The following FOXP2 variants were observed in gnomAD, a reference collection of about 807,000 sequenced individuals.
FOXP2 encodes forkhead box P2.
A neutral mutation model predicts 115.8 loss-of-function variants in FOXP2; 12 were observed. The observed-to-expected ratio is 0.10, with a 90% CI of 0.07 to 0.17. The LOEUF is 0.17. Ranked by LOEUF, FOXP2 falls within the 10% of genes least tolerant of loss-of-function variation. FOXP2 has a pLI of 1.00. For missense variants in FOXP2, 629 were observed against 843.5 expected, an observed-to-expected ratio of 0.75 and a Z score of 3.15; for synonymous variants, 328 against 297.7, an observed-to-expected ratio of 1.10 and a Z score of -1.05.
intron 1 of FOXP2, among the ~76,000 whole-genome samples, chr7:114,261,463 C>T (rs575548596): frequency 6.6e-6 from 1 of 152,034 alleles, no homozygotes; most frequent in Non-Finnish European, 1.5e-5. Flanking sequence ...AAAGACTATT[C>T]AGGTTAAAAG....
At chr7:114,371,039 A>C (rs1791991356) in intron 2 of FOXP2, among the ~76,000 whole-genome samples, 1 of 152,166 alleles carries the variant, frequency 6.6e-6, no homozygotes, top group Non-Finnish European at 1.5e-5. Context: ...TTATGATGTA[A>C]AATGAAAGAA....
chr7:114,333,636 C>T (rs1797769570), intron 2 of FOXP2, among the ~76,000 whole-genome samples: 1 of 152,170 alleles, frequency 6.6e-6, no homozygotes. Context: ...GCCTAGAGTG[C>T]AGCACGTTGG....
chr7:114,551,919 G>C (rs1272844920), intron 3 of FOXP2, among the ~76,000 whole-genome samples: 2 of 152,100 alleles, frequency 1.3e-5, no homozygotes, highest in African/African-American at 4.8e-5. Context: ...TATAACTACT[G>C]TTCTTTGTTC....
intron 2 of FOXP2, among the ~76,000 whole-genome samples, chr7:114,393,807 T>C (rs1792668502): frequency 6.6e-6 from 1 of 152,082 alleles, no homozygotes; most frequent in African/African-American, 2.4e-5. Flanking sequence ...TTAAGGATAA[T>C]GGGAGTCAAA....
intron 3 of FOXP2, among the ~76,000 whole-genome samples, chr7:114,578,454 A>G (rs1278511650): frequency 1.3e-5 from 2 of 152,116 alleles, no homozygotes; most frequent in Non-Finnish European, 2.9e-5. Flanking sequence ...AAAAAGTGTT[A>G]AAGAATAAAA....
At chr7:114,569,407 T>G (rs1000826162) in intron 3 of FOXP2, among the ~76,000 whole-genome samples, 1 of 151,906 alleles carries the variant, frequency 6.6e-6, no homozygotes, top group East Asian at 1.9e-4. Context: ...GAACAGTAGG[T>G]TACCTCATTA....
At chr7:114,331,832 G>C (rs1016179608) in intron 2 of FOXP2, among the ~76,000 whole-genome samples, 1 of 151,900 alleles carries the variant, frequency 6.6e-6, no homozygotes, top group Non-Finnish European at 1.5e-5. Context: ...TTTTACTATA[G>C]ATGGGGTTTT....
At chr7:114,550,616 A>G (rs1800161665) in intron 3 of FOXP2, among the ~76,000 whole-genome samples, 1 of 152,178 alleles carries the variant, frequency 6.6e-6, no homozygotes. Context: ...GTACAGAAAT[A>G]CATATACATA....
intron 16 of FOXP2, among the ~76,000 whole-genome samples, chr7:114,672,390 G>T (rs1404478104): frequency 1.3e-5 from 2 of 152,066 alleles, no homozygotes; most frequent in Non-Finnish European, 2.9e-5. Context: ...TTCAAGACCA[G>T]CCTGGCCAAT....
chr7:114,441,498 A>G (rs900127482), intron 2 of FOXP2, among the ~76,000 whole-genome samples: 9 of 152,162 alleles, frequency 5.9e-5, no homozygotes, highest in Admixed American at 5.2e-4. Context: ...CTTAGTTCAC[A>G]AATCGTCAAT....
At chr7:114,093,975 A>G (rs1237202290) in intron 1 of FOXP2, among the ~76,000 whole-genome samples, 2 of 152,156 alleles carry the variant, frequency 1.3e-5, no homozygotes, top group African/African-American at 2.4e-5. Context: ...GTGTATGTAA[A>G]TATTTCTAAT....
intron 1 of FOXP2, among the ~76,000 whole-genome samples, chr7:114,171,406 C>G (rs1029068347): frequency 6.6e-6 from 1 of 152,072 alleles, no homozygotes; most frequent in African/African-American, 2.4e-5. Context: ...GACCTCATCT[C>G]TGCAAAAAAT....
intron 2 of FOXP2, among the ~76,000 whole-genome samples, chr7:114,492,019 C>A (rs1455328487): frequency 6.6e-6 from 1 of 152,036 alleles, no homozygotes; most frequent in Non-Finnish European, 1.5e-5. Context: ...TGGTAGAATT[C>A]GGCTGTGAAT....
At chr7:114,148,887 A>G (rs955724280) in intron 1 of FOXP2, among the ~76,000 whole-genome samples, 3 of 151,874 alleles carry the variant, frequency 2.0e-5, no homozygotes, top group African/African-American at 7.3e-5. Flanking sequence ...CCTTGTTTGG[A>G]TTACTACTTT....
At chr7:114,366,754 T>C (rs1791891546) in intron 2 of FOXP2, 1 of 152,174 alleles carries the variant, frequency 6.6e-6, no homozygotes, top group Non-Finnish European at 1.5e-5. Flanking sequence ...AATTATTGCA[T>C]CATGAAATGA....
At chr7:114,143,469 G>C (rs1178935788) in intron 1 of FOXP2, among the ~76,000 whole-genome samples, 4 of 151,942 alleles carry the variant, frequency 2.6e-5, no homozygotes, top group African/African-American at 9.7e-5. Context: ...CCCACCCCCA[G>C]TCTATTTGGA....
At chr7:114,522,768 A>G (rs1179314068) in intron 2 of FOXP2, among the ~76,000 whole-genome samples, 1 of 152,096 alleles carries the variant, frequency 6.6e-6, no homozygotes, top group African/African-American at 2.4e-5. Context: ...TATAATGTTC[A>G]TAACTCTAAT....
intron 1 of FOXP2, among the ~76,000 whole-genome samples, chr7:114,274,046 A>G (rs1336058575): frequency 6.6e-6 from 1 of 151,502 alleles, no homozygotes; most frequent in Non-Finnish European, 1.5e-5. Context: ...AAGATTTTAT[A>G]TAATTTTATT....
chr7:114,445,469 T>G (rs530685357), intron 2 of FOXP2, among the ~76,000 whole-genome samples: 1 of 152,262 alleles, frequency 6.6e-6, no homozygotes, highest in East Asian at 1.9e-4. Context: ...TTTAGTGTGT[T>G]GTGTTTCTAA....
Sources: allele counts gnomAD v4.1 joint callset (sites outside exome capture counted in the v4.1 genomes callset), GRCh38; gene constraint gnomAD v4.1.1; transcripts MANE v1.5; gene names NCBI Gene and HGNC (gene_info 2026-07-23, HGNC 2026-07-21).